FER: variants seen among roughly 807,000 people sequenced by gnomAD.
FER encodes tyrosine-protein kinase Fer.
Under a neutral mutation model 111.0 loss-of-function variants are expected in FER, and 63 were observed. The ratio of observed to expected loss-of-function variants is 0.57; its 90% CI spans 0.46 to 0.70. FER has a LOEUF of 0.70. Ranked by LOEUF, FER falls within the 30% of genes least tolerant of loss-of-function variation. FER has a pLI of 0.00. For synonymous variants in FER, 327 were observed against 313.9 expected, an observed-to-expected ratio of 1.04 and a Z score of -0.44; for missense variants, 914 against 954.0, an observed-to-expected ratio of 0.96 and a Z score of 0.55.
chr5:108,946,064 TA>T (rs749682968), intron 10 of FER, 65 bp from the exon 11 acceptor site: 7 of 1,080,728 alleles, frequency 6.5e-6, no homozygotes, highest in Non-Finnish European at 8.4e-6. Context: ...AGTACCTAAA[TA>T]CATAAATGTC....
At chr5:109,023,660 A>G (rs1347452851) in intron 13 of FER, among the ~76,000 whole-genome samples, 1 of 144,526 alleles carries the variant, frequency 6.9e-6, no homozygotes, top group Non-Finnish European at 1.6e-5. Flanking sequence ...GTTTTTTTGT[A>G]ACTTTTTTTT....
intron 13 of FER, among the ~76,000 whole-genome samples, chr5:108,966,483 G>A (rs544352016): frequency 1.7e-4 from 25 of 150,812 alleles, no homozygotes; most frequent in African/African-American, 5.9e-4. Context: ...CACCTCCTGG[G>A]TTCAAGCAAT....
chr5:108,772,382 G>T (rs899840578), intron 2 of FER, among the ~76,000 whole-genome samples: 1 of 105,200 alleles, frequency 9.5e-6, no homozygotes, highest in South Asian at 2.9e-4. Flanking sequence ...ATTCAAGCAG[G>T]TTTCATGTAT....
intron 16 of FER, chr5:109,051,534 G>C (rs1041155174): frequency 7.2e-5 from 116 of 1,611,612 alleles, no homozygotes; most frequent in Non-Finnish European, 9.7e-5. Flanking sequence ...AATTAGCCCA[G>C]TTTTGCTCAC....
At chr5:108,830,430 G>A (rs1028841884) in intron 3 of FER, among the ~76,000 whole-genome samples, 2 of 152,168 alleles carry the variant, frequency 1.3e-5, no homozygotes, top group Non-Finnish European at 2.9e-5. Flanking sequence ...CTCCAGCCTA[G>A]GTGATGGAGC....
intron 11 of FER, among the ~76,000 whole-genome samples, chr5:108,947,485 G>A (rs1183908507): frequency 2.6e-5 from 4 of 151,858 alleles, no homozygotes; most frequent in Admixed American, 2.6e-4. Flanking sequence ...CTTATTGGCA[G>A]CTTATATGTG....
chr5:109,069,811 C>CT (rs1402190541), intron 16 of FER, among the ~76,000 whole-genome samples: 1 of 152,076 alleles, frequency 6.6e-6, no homozygotes, highest in Non-Finnish European at 1.5e-5. Flanking sequence ...TGTTTGAACT[C>CT]TAAGTGGCTA....
chr5:108,911,233 T>A (rs1321949518), intron 10 of FER, among the ~76,000 whole-genome samples: 1 of 152,120 alleles, frequency 6.6e-6, no homozygotes. Flanking sequence ...GATGTTGAGG[T>A]TTTTTTCATA....
In FER at chr5:108,940,510, C is replaced by T. The variant is rs183505908; in HGVS notation, c.1237-5620C>T. Among the ~76,000 whole-genome samples the T allele has an allele frequency of 4.7e-4, 71 of 152,206 alleles. 2 individuals are homozygous for T. In the Middle Eastern group the frequency reaches 0.01, roughly 22 times the overall value. ...ACAGAAGTAAACCTAAATGAACCTA[C>T]ATCCAGAAAGTGACAGGCCTTTTAC... On this transcript the variant is annotated intron_variant, in intron 10 of 19. Transcript: ENST00000281092.
At position 108,954,819 on chromosome 5, in the gene FER, T is replaced by G. The variant is rs765156161; in HGVS notation, c.1420T>G (p.Leu474Val). 3 of 1,612,574 alleles carry G rather than the reference T, an allele frequency of 1.9e-6. No homozygotes were observed. Among genetic ancestry groups the G allele is most frequent in the Non-Finnish European group, 2.5e-6 (3 of 1,179,160 alleles). The change falls in exon 12 of 20, where the codon TTA becomes GTA. Residue 474 changes from leucine to valine, a missense_variant. Around this residue, in one of 3 missense-constraint regions of FER, gnomAD observed 774 missense variants for 782.6 expected, o/e 0.99. Coordinates refer to ENST00000281092, the MANE Select transcript of FER (RefSeq NM_005246.4). ...AIPRIEAQEL[L>V]KKQGDFLVRE... is the part of the protein sequence containing the mutation. ...TCCCAGAATAGAAGCTCAAGAACTG[T>G]TAAAAAAACAAGGAGACTTTTTGGT...
In FER at chr5:109,188,439, G is replaced by A. The variant is rs1363997294; in HGVS notation, c.*864G>A. 2 of 150,240 alleles carry A rather than the reference G, an allele frequency of 1.3e-5. No individual in the cohort carries two copies. Among genetic ancestry groups the A allele is most frequent in the East Asian group, 3.9e-4 (2 of 5,104 alleles). 9.3% of individuals were successfully genotyped at this position (150,240 alleles called of 1,614,324 possible). On this transcript the variant is annotated 3_prime_UTR_variant, in exon 20 of 20. Coordinates refer to ENST00000281092, the MANE Select transcript of FER (RefSeq NM_005246.4). ...AACGCATGAAACGTCGTCAAAGTTA[G>A]AGTTGAGGCAGTTGCTTTTCAAGGA...
chr5:109,183,254 T>TTTTC (rs1221007410), intron 18 of FER, among the ~76,000 whole-genome samples: 1 of 141,282 alleles, frequency 7.1e-6, no homozygotes, highest in East Asian at 3.2e-4. Flanking sequence ...GCGTGTTTTT[T>TTTTC]TTTTTTTTTT....
At chr5:109,038,998 G>C (rs1770780093) in intron 14 of FER, among the ~76,000 whole-genome samples, 1 of 151,934 alleles carries the variant, frequency 6.6e-6, no homozygotes, top group South Asian at 2.1e-4. Context: ...TTAAATAGAA[G>C]ACTGTGACTT....
intron 3 of FER, among the ~76,000 whole-genome samples, chr5:108,826,500 G>A (rs1438215584): frequency 6.6e-6 from 1 of 151,940 alleles, no homozygotes; most frequent in Non-Finnish European, 1.5e-5. Flanking sequence ...CGGTCCTCTC[G>A]CCTCAACCTC....
intron 5 of FER, among the ~76,000 whole-genome samples, chr5:108,860,955 C>G (rs145831044): frequency 2.0e-5 from 3 of 152,116 alleles, no homozygotes; most frequent in African/African-American, 7.2e-5. Flanking sequence ...TGAGAACTCA[C>G]TATCACAAGA....
chr5:109,031,597 G>C (rs2149862866), intron 13 of FER, among the ~76,000 whole-genome samples: 1 of 152,258 alleles, frequency 6.6e-6, no homozygotes, highest in East Asian at 1.9e-4. Context: ...GGCCTGGTTA[G>C]AAAGTACATT....
At chr5:109,124,907 G>A (rs1000001532) in intron 17 of FER, among the ~76,000 whole-genome samples, 4 of 151,672 alleles carry the variant, frequency 2.6e-5, no homozygotes, top group South Asian at 2.1e-4. Flanking sequence ...TTAGCCAGGC[G>A]TAGTGGCGGG....
At chr5:108,889,710 G>GATACC (rs1457622078) in intron 9 of FER, among the ~76,000 whole-genome samples, 1 of 151,744 alleles carries the variant, frequency 6.6e-6, no homozygotes, top group Non-Finnish European at 1.5e-5. Flanking sequence ...TGAGGTGATG[G>GATACC]ATACCCCGTT....
chr5:108,924,577 C>G, intron 10 of FER: 1 of 1,227,754 alleles, frequency 8.1e-7, no homozygotes, highest in Non-Finnish European at 1.0e-6. Flanking sequence ...TCTCTTCTAT[C>G]TTGCTTTTGC....
Sources: gnomAD v4.1 joint callset for allele counts (sites outside exome capture counted in the v4.1 genomes callset) on GRCh38, gnomAD v4.1.1 for gene constraint, gnomAD v4.1.1 regional missense constraint, MANE v1.5 for transcripts, NCBI Gene and HGNC (gene_info 2026-07-23, HGNC 2026-07-21) for gene names.